UBE3A: variants seen among roughly 807,000 people sequenced by gnomAD.
UBE3A encodes the protein ubiquitin-protein ligase E3A.
In UBE3A, 6 loss-of-function variants were observed where a neutral mutation model predicts 83.4. The observed-to-expected ratio is 0.07, with a 90% confidence interval of 0.04 to 0.14. The LOEUF (loss-of-function observed/expected upper bound fraction) is 0.14, where lower values mean the gene tolerates loss of function less well. Among genes scored for constraint, UBE3A ranks in the 10% least tolerant of loss-of-function variants. UBE3A has a pLI of 1.00. For missense variants in UBE3A, 456 were observed against 1,036.1 expected (o/e 0.44, Z 7.69); for synonymous variants, 337 against 355.4 (o/e 0.95, Z 0.58).
chr15:25,349,220 T>C (rs2076150093), intron 11 of UBE3A, among the ~76,000 whole-genome samples: 1 of 152,172 alleles, frequency 6.6e-6, no homozygotes, highest in Non-Finnish European at 1.5e-5. Context: ...TAAAACTATT[T>C]AGAAAATGAA....
intron 1 of UBE3A, among the ~76,000 whole-genome samples, chr15:25,428,529 T>A (rs1892087688): frequency 6.6e-6 from 1 of 152,214 alleles, no homozygotes; most frequent in Non-Finnish European, 1.5e-5. Context: ...CACTGTAAAG[T>A]AAGAAGGTTG....
chr15:25,351,822 T>G (rs959006368), intron 11 of UBE3A, among the ~76,000 whole-genome samples: 1 of 152,262 alleles, frequency 6.6e-6, no homozygotes, highest in Non-Finnish European at 1.5e-5. Flanking sequence ...TCCTTCCTTG[T>G]CACTTTTTCA....
At chr15:25,376,292 G>C (rs1157732033) in intron 4 of UBE3A, among the ~76,000 whole-genome samples, 1 of 152,054 alleles carries the variant, frequency 6.6e-6, no homozygotes, top group Non-Finnish European at 1.5e-5. Context: ...CAACAACATG[G>C]GAGACTTAAA....
At chr15:25,388,557 G>C (rs769907386) in intron 4 of UBE3A, among the ~76,000 whole-genome samples, 3 of 152,022 alleles carry the variant, frequency 2.0e-5, no homozygotes, top group Non-Finnish European at 4.4e-5. Context: ...TCAGGAACAA[G>C]AAAAGAATAT....
At chr15:25,418,870 C>A (rs1295932489) in intron 1 of UBE3A, 1 of 152,118 alleles carries the variant, frequency 6.6e-6, no homozygotes, top group Non-Finnish European at 1.5e-5. Context: ...CATACCTCAA[C>A]TATCTACAGA....
rs188688206 is a variant in UBE3A at position 25,352,427 on chromosome 15, A to C, written c.2354+1926T>G. Among the ~76,000 whole-genome samples, 197 of 152,348 alleles carry C rather than the reference A, an allele frequency of 1.3e-3. 5 individuals carry two copies. The East Asian group carries it at 0.036, about 28-fold the overall frequency. ...ATTATGGCAGTAAAGTGAGTCACAC[A>C]AATTTTTTTGTTTCCCAGTGCTTAT... is the stretch of plus-strand genomic sequence containing the variant. On this transcript the variant is annotated intron_variant, in intron 11 of 12. Coordinates refer to ENST00000648336, the MANE Select transcript of UBE3A (RefSeq NM_130839.5).
rs767254317 is a variant in UBE3A at position 25,340,213 on chromosome 15, G to A, written c.2370C>T (p.Ile790=). 9.3e-6 allele frequency: 15 copies of A among 1,613,224 alleles called. No individual in the cohort carries two copies. In the East Asian group the frequency reaches 1.6e-4, roughly 17 times the overall value. Residue 790 remains isoleucine, a synonymous_variant, in exon 12 of 13, where the codon ATC becomes ATT. Coordinates refer to ENST00000648336, the MANE Select transcript of UBE3A (RefSeq NM_130839.5). ...DSVLIREFWE[I]VHSFTDEQKR... ...TCTGTTCATCTGTAAATGAATGAAC[G>A]ATTTCCCAGAACTCCCTAATGAGAA...
intron 4 of UBE3A, among the ~76,000 whole-genome samples, chr15:25,395,026 G>A (rs907013444): frequency 2.0e-5 from 3 of 152,118 alleles, no homozygotes; most frequent in Admixed American, 1.3e-4. Flanking sequence ...TGATGCAGCC[G>A]GTCAGGAAAA....
intron 1 of UBE3A, among the ~76,000 whole-genome samples, chr15:25,432,867 C>T (rs1893875930): frequency 6.6e-6 from 1 of 152,188 alleles, no homozygotes; most frequent in Admixed American, 6.5e-5. Context: ...ACATCAGACT[C>T]TCTTCTATAA....
chr15:25,417,160 T>A (rs1444491090), intron 1 of UBE3A, among the ~76,000 whole-genome samples: 1 of 152,042 alleles, frequency 6.6e-6, no homozygotes, highest in East Asian at 1.9e-4. Context: ...ACTGGGAGAC[T>A]CCTAAAATTC....
chr15:25,387,036 A>G (rs1366946281), intron 4 of UBE3A, among the ~76,000 whole-genome samples: 1 of 152,232 alleles, frequency 6.6e-6, no homozygotes, highest in Non-Finnish European at 1.5e-5. Context: ...GATCTAACAA[A>G]TAAGAATTTG....
At chr15:25,420,583 T>C (rs1889303259) in intron 1 of UBE3A, 1 of 151,926 alleles carries the variant, frequency 6.6e-6, no homozygotes, top group Admixed American at 6.6e-5. Flanking sequence ...ATGAAGAAAA[T>C]GTAAATTAAG....
intron 4 of UBE3A, 47 bp downstream of exon 4, chr15:25,405,414 A>G: frequency 1.3e-6 from 2 of 1,594,958 alleles, no homozygotes; most frequent in South Asian, 1.1e-5. Context: ...AAAGCAGTCT[A>G]GGGCAACTCA....
At chr15:25,388,027 T>C (rs2083494103) in intron 4 of UBE3A, among the ~76,000 whole-genome samples, 1 of 152,172 alleles carries the variant, frequency 6.6e-6, no homozygotes, top group Admixed American at 6.5e-5. Context: ...TGAATTCTAC[T>C]AAACATTTAA....
At chr15:25,391,682 G>C (rs1414645409) in intron 4 of UBE3A, 5 of 152,164 alleles carry the variant, frequency 3.3e-5, no homozygotes, top group Admixed American at 2.6e-4. Flanking sequence ...ATTGTAGCTG[G>C]AAGACAGTAG....
intron 11 of UBE3A, among the ~76,000 whole-genome samples, chr15:25,340,897 G>T (rs1414328935): frequency 6.6e-6 from 1 of 152,126 alleles, no homozygotes; most frequent in Non-Finnish European, 1.5e-5. Flanking sequence ...TATTTTAAGA[G>T]AATGATTTAT....
At chr15:25,342,468 C>CT (rs1446529899) in intron 11 of UBE3A, among the ~76,000 whole-genome samples, 3 of 152,100 alleles carry the variant, frequency 2.0e-5, no homozygotes, top group African/African-American at 7.2e-5. Context: ...ATCTCTATTC[C>CT]TATAAGTGTT....
At chr15:25,373,353 T>C (rs1399489297) in intron 5 of UBE3A, among the ~76,000 whole-genome samples, 1 of 152,218 alleles carries the variant, frequency 6.6e-6, no homozygotes, top group East Asian at 1.9e-4. Context: ...TGGCCTGTCC[T>C]AGGGATCACC....
At chr15:25,348,106 A>AACTT (rs1261229294) in intron 11 of UBE3A, among the ~76,000 whole-genome samples, 2 of 152,162 alleles carry the variant, frequency 1.3e-5, no homozygotes, top group Admixed American at 6.5e-5. Flanking sequence ...AAACAGAAAA[A>AACTT]ACTTATATAA....
Sources: gnomAD v4.1 joint callset for allele counts (sites outside exome capture counted in the v4.1 genomes callset) on GRCh38, gnomAD v4.1.1 for gene constraint, MANE v1.5 for transcripts, NCBI Gene and HGNC (gene_info 2026-07-23, HGNC 2026-07-21) for gene names.